Variants in MSRB3 observed in about 807,000 individuals in gnomAD.
MSRB3 encodes the protein methionine-R-sulfoxide reductase B3.
In MSRB3, 13 loss-of-function variants were observed where a neutral mutation model predicts 21.0. The observed-to-expected ratio is 0.62, with a 90% CI of 0.40 to 0.98. The LOEUF (loss-of-function observed/expected upper bound fraction) is 0.98, where lower values mean the gene tolerates loss of function less well. Ranked by LOEUF, MSRB3 falls within the 50% of genes least tolerant of loss-of-function variation. MSRB3 has a pLI of 0.00. For synonymous variants in MSRB3, 87 were observed against 88.6 expected, an observed-to-expected ratio of 0.98 and a Z score of 0.10; for missense variants, 199 against 230.3, an observed-to-expected ratio of 0.86 and a Z score of 0.88.
intron 5 of MSRB3, among the ~76,000 whole-genome samples, chr12:65,379,168 T>TTCCATCCA (rs58173378): frequency 1.4e-3 from 210 of 148,452 alleles, no homozygotes; most frequent in African/African-American, 3.6e-3. Context: ...TCAACCATCC[T>TTCCATCCA]TCCATCCATC....
rs1441115689 is a variant in MSRB3, at chr12:65,422,451, G to T, written c.293-31277G>T. Among the ~76,000 whole-genome samples, 7 of 116,526 alleles carry T rather than the reference G, an allele frequency of 6.0e-5. No individual in the cohort carries two copies. In the East Asian group the frequency reaches 1.4e-3, roughly 23 times the overall value. The allele number at this position is 116,526 out of a possible 152,430, so 76.4% of individuals were successfully genotyped here. ...ATATATTTATTTATTTATTTATGGGGTATATGGGATATTTTTATGTAGGCA... is the reference window on the plus strand; with the variant it reads ...ATATATTTATTTATTTATTTATGGGTTATATGGGATATTTTTATGTAGGCA... On this transcript the variant is annotated intron_variant, in intron 5 of 6. Coordinates refer to ENST00000308259, the MANE Select transcript of MSRB3 (RefSeq NM_001031679.3).
chr12:65,383,879 G>A (rs563723170), intron 5 of MSRB3, among the ~76,000 whole-genome samples: 6 of 152,198 alleles, frequency 3.9e-5, no homozygotes, highest in African/African-American at 1.4e-4. Context: ...GGCTGGTCTC[G>A]AACTCCTGAA....
At chr12:65,329,411 A>G (rs1945321491) in intron 4 of MSRB3, among the ~76,000 whole-genome samples, 1 of 152,178 alleles carries the variant, frequency 6.6e-6, no homozygotes, top group Admixed American at 6.5e-5. Flanking sequence ...GCACTTTGGG[A>G]GGCCAAGACG....
chr12:65,303,258 C>A (rs900096666), intron 1 of MSRB3, among the ~76,000 whole-genome samples: 10 of 152,050 alleles, frequency 6.6e-5, no homozygotes, highest in Admixed American at 5.9e-4. Context: ...CCTTTTTATA[C>A]CATCTCTTTT....
intron 5 of MSRB3, among the ~76,000 whole-genome samples, chr12:65,376,272 AC>A (rs1878615497): frequency 6.6e-6 from 1 of 151,690 alleles, no homozygotes. Context: ...GGCGCCCACC[AC>A]TGCGCCCGGC....
chr12:65,314,173 A>T (rs1874155689), intron 2 of MSRB3, among the ~76,000 whole-genome samples: 1 of 152,122 alleles, frequency 6.6e-6, no homozygotes, highest in Non-Finnish European at 1.5e-5. Flanking sequence ...ATAAACTGAA[A>T]CAAGTTTTCA....
At chr12:65,348,454 G>A (rs1163613638) in intron 4 of MSRB3, among the ~76,000 whole-genome samples, 1 of 151,874 alleles carries the variant, frequency 6.6e-6, no homozygotes, top group Non-Finnish European at 1.5e-5. Context: ...TTTTTTTATT[G>A]CATCTATTTG....
chr12:65,393,450 G>A (rs1365578368), intron 5 of MSRB3, among the ~76,000 whole-genome samples: 4 of 151,980 alleles, frequency 2.6e-5, no homozygotes, highest in South Asian at 4.2e-4. Flanking sequence ...TGGCTAACAC[G>A]GTGAAACACC....
At chr12:65,304,483 C>T (rs1027059444) in intron 1 of MSRB3, among the ~76,000 whole-genome samples, 2 of 152,260 alleles carry the variant, frequency 1.3e-5, no homozygotes, top group African/African-American at 2.4e-5. Flanking sequence ...GACATCTTGT[C>T]TGGCTTTTAA....
intron 2 of MSRB3, among the ~76,000 whole-genome samples, chr12:65,320,662 A>G (rs1592521709): frequency 6.6e-6 from 1 of 152,230 alleles, no homozygotes; most frequent in Non-Finnish European, 1.5e-5. Context: ...TCATACGTTG[A>G]AAGTTCAGCC....
At chr12:65,443,810 C>A (rs191127893) in intron 5 of MSRB3, among the ~76,000 whole-genome samples, 164 of 152,228 alleles carry the variant, frequency 1.1e-3, no homozygotes, top group Non-Finnish European at 1.8e-3. Flanking sequence ...CTTCAGAACT[C>A]TTTTCATCCT....
chr12:65,441,325 G>A (rs1390291559), intron 5 of MSRB3, among the ~76,000 whole-genome samples: 3 of 151,876 alleles, frequency 2.0e-5, no homozygotes, highest in Admixed American at 2.0e-4. Flanking sequence ...GTGGTAAGTA[G>A]GTTACCTTCA....
chr12:65,447,477 T>C (rs1882670288), intron 5 of MSRB3, among the ~76,000 whole-genome samples: 1 of 152,174 alleles, frequency 6.6e-6, no homozygotes, highest in Non-Finnish European at 1.5e-5. Context: ...AAGATGATAC[T>C]GTTACCAAGA....
At chr12:65,405,285 T>G (rs1880351505) in intron 5 of MSRB3, among the ~76,000 whole-genome samples, 1 of 152,116 alleles carries the variant, frequency 6.6e-6, no homozygotes, top group Non-Finnish European at 1.5e-5. Flanking sequence ...TTTTTAAGAT[T>G]CCACATATAA....
intron 4 of MSRB3, among the ~76,000 whole-genome samples, chr12:65,342,624 A>G (rs2136475951): frequency 6.6e-6 from 1 of 152,136 alleles, no homozygotes; most frequent in Middle Eastern, 3.4e-3. Context: ...TTACACTTCT[A>G]GGAACTTATT....
chr12:65,320,311 G>T (rs1287825192), intron 2 of MSRB3, among the ~76,000 whole-genome samples: 5 of 151,910 alleles, frequency 3.3e-5, no homozygotes, highest in Admixed American at 6.6e-5. Flanking sequence ...TTATGTTTAG[G>T]GCTTGGAGAA....
chr12:65,393,923 A>G (rs1412644386), intron 5 of MSRB3, among the ~76,000 whole-genome samples: 6 of 152,090 alleles, frequency 3.9e-5, no homozygotes, highest in African/African-American at 1.4e-4. Flanking sequence ...TAACCTGCTA[A>G]ATATTTATGC....
chr12:65,418,917 C>G (rs1243147254), intron 5 of MSRB3: 1 of 721,016 alleles, frequency 1.4e-6, no homozygotes, highest in Non-Finnish European at 2.5e-6. Context: ...TAATGTTCAG[C>G]AGGGCCTCCT....
At chr12:65,311,123 C>T (rs1259360411) in intron 2 of MSRB3, among the ~76,000 whole-genome samples, 5 of 152,222 alleles carry the variant, frequency 3.3e-5, no homozygotes, top group South Asian at 2.1e-4. Context: ...ATGGGACTCA[C>T]AAATACACTT....
Sources: gnomAD v4.1 joint callset for allele counts (sites outside exome capture counted in the v4.1 genomes callset) on GRCh38, gnomAD v4.1.1 for gene constraint, MANE v1.5 for transcripts, NCBI Gene and HGNC (gene_info 2026-07-23, HGNC 2026-07-21) for gene names.